The following TLE1 variants were observed in gnomAD, a reference collection of about 807,000 sequenced individuals.
The protein encoded by TLE1 is transducin-like enhancer protein 1.
TLE1 carries 21 observed loss-of-function variants against 89.8 expected under a neutral mutation model. That is an observed-to-expected ratio of 0.23 (90% CI 0.17 to 0.34). TLE1 has a LOEUF of 0.34. Ranked by LOEUF, TLE1 falls within the 10% of genes least tolerant of loss-of-function variation. The pLI, the probability that TLE1 is intolerant of heterozygous loss-of-function variation, is 1.00. For missense variants in TLE1, 795 were observed against 1,031.2 expected (o/e 0.77, Z 3.14); for synonymous variants, 447 against 407.6 (o/e 1.10, Z -1.16).
intron 4 of TLE1, among the ~76,000 whole-genome samples, chr9:81,663,641 G>A: frequency 1.4e-5 from 1 of 71,490 alleles, no homozygotes; most frequent in East Asian, 3.7e-4. Flanking sequence ...TTTTTTTTTT[G>A]AGATGGAGTC....
intron 8 of TLE1, among the ~76,000 whole-genome samples, chr9:81,631,319 G>A (rs140511735): frequency 8.5e-5 from 13 of 152,224 alleles, no homozygotes; most frequent in African/African-American, 2.6e-4. Context: ...CGACACATTC[G>A]GAAATTCAGA....
chr9:81,660,939 A>ACC (rs1830695139), intron 4 of TLE1, among the ~76,000 whole-genome samples: 1 of 45,364 alleles, frequency 2.2e-5, no homozygotes, highest in African/African-American at 7.3e-5. Flanking sequence ...TACTAAACAC[A>ACC]CACACACACA....
intron 6 of TLE1, among the ~76,000 whole-genome samples, chr9:81,635,476 G>A (rs1256328080): frequency 6.6e-6 from 1 of 152,114 alleles, no homozygotes; most frequent in Non-Finnish European, 1.5e-5. Flanking sequence ...CACATTGTAT[G>A]AAATGAAAAA....
chr9:81,626,310 C>G (rs1353060254), intron 8 of TLE1, among the ~76,000 whole-genome samples: 1 of 152,108 alleles, frequency 6.6e-6, no homozygotes, highest in Non-Finnish European at 1.5e-5. Context: ...TGACAATTAA[C>G]TTCTCGGTGA....
chr9:81,589,911 C>T (rs903950158), intron 16 of TLE1, among the ~76,000 whole-genome samples: 2 of 152,080 alleles, frequency 1.3e-5, no homozygotes, highest in Admixed American at 1.3e-4. Context: ...AGGGACCGGG[C>T]CCGGCTCAAT....
At chr9:81,684,299 C>T (rs1009407587) in intron 4 of TLE1, among the ~76,000 whole-genome samples, 1 of 152,032 alleles carries the variant, frequency 6.6e-6, no homozygotes, top group Non-Finnish European at 1.5e-5. Flanking sequence ...GAGAAACACA[C>T]AAAAACAAAG....
chr9:81,660,866 G>A (rs1830678914), intron 4 of TLE1, among the ~76,000 whole-genome samples: 1 of 150,390 alleles, frequency 6.6e-6, no homozygotes, highest in Non-Finnish European at 1.5e-5. Context: ...GGAGGCCGAG[G>A]CGGGAGGATC....
rs750184866 is a variant in TLE1, at chr9:81,593,189, G to A, written c.1417C>T (p.Arg473Trp). The change falls in exon 15 of 20, where the codon CGG becomes TGG. Residue 473 changes from arginine (R) to tryptophan (W), a missense_variant. Arg to Trp is a moderately radical substitution (Grantham distance 101). Transcript: ENST00000376499. The stretch of plus-strand genomic sequence containing the variant: ...AGGGTGTTGATCTGGCGAGCATGCC[G>A]GGGGATTCCGGGTCCGATGAGGGCG... ...PDALIGPGIP[R>W]HARQINTLNH... 15 of 1,613,908 alleles carry A rather than the reference G, an allele frequency of 9.3e-6. No individual in the cohort carries two copies. The highest frequency in any genetic ancestry group is 2.7e-5 in the African/African-American group (2 of 74,864).
intron 4 of TLE1, among the ~76,000 whole-genome samples, chr9:81,675,988 C>A (rs541346097): frequency 6.6e-5 from 10 of 152,164 alleles, no homozygotes; most frequent in African/African-American, 2.4e-4. Flanking sequence ...CGTGAGCCAC[C>A]ACACCAGGCC....
At chr9:81,667,454 C>A (rs538549196) in intron 4 of TLE1, among the ~76,000 whole-genome samples, 1 of 150,376 alleles carries the variant, frequency 6.6e-6, no homozygotes, top group South Asian at 2.1e-4. Context: ...ACATTTAAAT[C>A]TTCAGCCAAT....
intron 14 of TLE1, among the ~76,000 whole-genome samples, chr9:81,601,658 C>T (rs563258702): frequency 6.6e-6 from 1 of 151,568 alleles, no homozygotes; most frequent in East Asian, 1.9e-4. Flanking sequence ...ATGATCTCCA[C>T]AGAGCTCAGG....
chr9:81,679,016 T>C (rs999098707), intron 4 of TLE1, among the ~76,000 whole-genome samples: 1 of 152,052 alleles, frequency 6.6e-6, no homozygotes, highest in Admixed American at 6.6e-5. Flanking sequence ...GGCGTGGTGA[T>C]GCACGCCTGT....
chr9:81,662,361 T>TTTTGTGTGTG (rs1290826547), intron 4 of TLE1, among the ~76,000 whole-genome samples: 2 of 138,360 alleles, frequency 1.4e-5, no homozygotes, highest in East Asian at 2.1e-4. Context: ...TGTGCCTGTT[T>TTTTGTGTGTG]TGTGTGTGTG....
rs1410932626 is a variant in TLE1 at position 81,613,436 on chromosome 9, G to C, written c.1004C>G (p.Pro335Arg). 1 of 1,614,080 alleles carries C rather than the reference G, an allele frequency of 6.2e-7. No individual in the cohort carries two copies. The highest frequency in any genetic ancestry group is 1.3e-5 in the African/African-American group (1 of 74,956). Residue 335 changes from proline (P) to arginine (R), a missense_variant, in exon 12 of 20, where the codon CCA (proline) becomes CGA (arginine). Around this residue, in one of 4 missense-constraint regions of TLE1, gnomAD observed 468 missense variants for 509.1 expected, o/e 0.92. Transcript: ENST00000376499. ...DMPTPGTSATPGLRPGLGKPP... is the reference protein window; with the variant it reads ...DMPTPGTSATRGLRPGLGKPP... ...CTTGCCGAGACCTGGACGGAGGCCT[G>C]GAGTGGCGCTGGTGCCCGGCGTTGG...
intron 15 of TLE1, among the ~76,000 whole-genome samples, chr9:81,592,713 G>T (rs2131838943): frequency 6.6e-6 from 1 of 152,304 alleles, no homozygotes; most frequent in Admixed American, 6.5e-5. Context: ...TCCAGGCCCA[G>T]TTGTGCTTTT....
chr9:81,683,099 T>C (rs1171548302), intron 4 of TLE1, among the ~76,000 whole-genome samples: 1 of 152,140 alleles, frequency 6.6e-6, no homozygotes, highest in Non-Finnish European at 1.5e-5. Flanking sequence ...GATTTGACAC[T>C]GAAATCTCTA....
At position 81,590,930 on chromosome 9, in the gene TLE1, C is replaced by T. The variant is rs1467204274; in HGVS notation, c.1704G>A (p.Ala568=). The part of the protein sequence containing the change: ...DLAAPTPRIK[A]ELTSSAPACY... ...AGGCGGGGGCCGAGGACGTCAGCTC[C>T]GCCTTGATGCGCGGGGTTGGAGCCG... The change falls in exon 16 of 20, where the codon GCG becomes GCA. Residue 568 remains alanine (A), a synonymous_variant. Transcript: ENST00000376499. 2.0e-5 allele frequency: 33 copies of T among 1,614,246 alleles called. No individual in the cohort carries two copies. Among genetic ancestry groups the T allele is most frequent in the Middle Eastern group, 3.3e-4 (2 of 6,060 alleles).
intron 6 of TLE1, among the ~76,000 whole-genome samples, chr9:81,649,860 G>A (rs1296185792): frequency 1.3e-5 from 2 of 152,060 alleles, no homozygotes; most frequent in African/African-American, 4.8e-5. Flanking sequence ...TTTCCAGAAC[G>A]CACACAATTC....
chr9:81,633,309 G>A, intron 8 of TLE1, 39 bp downstream of exon 8: 1 of 1,608,914 alleles, frequency 6.2e-7, no homozygotes. Context: ...GTGTGTGTGT[G>A]TGTGTGTGTG....
Sources: allele counts gnomAD v4.1 joint callset (sites outside exome capture counted in the v4.1 genomes callset), GRCh38; gene constraint gnomAD v4.1.1; regional missense constraint gnomAD v4.1.1; transcripts MANE v1.5; gene names NCBI Gene and HGNC (gene_info 2026-07-23, HGNC 2026-07-21).